Variants in MEIKIN observed in about 807,000 individuals in gnomAD.
MEIKIN encodes the protein meiotic kinetochore factor.
At position 131,841,120 on chromosome 5, in the gene MEIKIN, C is replaced by A. The variant is rs530219980; in HGVS notation, c.975+10144G>T. On this transcript the variant is annotated intron_variant, in intron 11 of 12. Transcript: ENST00000442687. ...TGGGAGATTTTAGGGGGCCAAGTCT[C>A]AGCTCCCAACTCCTGAAATGCAAGC... Among the ~76,000 whole-genome samples the A allele has an allele frequency of 6.6e-5, 10 of 152,204 alleles. No individual in the cohort carries two copies. In the East Asian group the frequency reaches 1.9e-3, roughly 29 times the overall value.
At chr5:131,895,755 T>C (rs962471681) in intron 8 of MEIKIN, among the ~76,000 whole-genome samples, 5 of 152,168 alleles carry the variant, frequency 3.3e-5, no homozygotes, top group African/African-American at 9.6e-5. Context: ...TTTTTTATTG[T>C]GTCTATTTGA....
chr5:131,928,889 A>G (rs1751636113), intron 5 of MEIKIN, among the ~76,000 whole-genome samples: 1 of 152,218 alleles, frequency 6.6e-6, no homozygotes, highest in African/African-American at 2.4e-5. Flanking sequence ...ATTTATCTAT[A>G]TATTTATCTT....
intron 11 of MEIKIN, among the ~76,000 whole-genome samples, chr5:131,836,054 C>T (rs891937923): frequency 6.6e-6 from 1 of 152,180 alleles, no homozygotes; most frequent in African/African-American, 2.4e-5. Context: ...TCCTCCCACT[C>T]TCCACCCTTT....
chr5:131,812,905 C>G (rs1253704934), intron 12 of MEIKIN, among the ~76,000 whole-genome samples: 1 of 152,204 alleles, frequency 6.6e-6, no homozygotes. Context: ...CAGCTTTTGG[C>G]TTATTGCCAA....
At chr5:131,855,461 G>A (rs1750176580) in intron 9 of MEIKIN, among the ~76,000 whole-genome samples, 1 of 151,966 alleles carries the variant, frequency 6.6e-6, no homozygotes, top group Admixed American at 6.6e-5. Flanking sequence ...ACAGAGTGAG[G>A]AGAGAAACAG....
intron 7 of MEIKIN, among the ~76,000 whole-genome samples, chr5:131,915,562 T>A (rs945637769): frequency 1.5e-4 from 23 of 152,122 alleles, no homozygotes; most frequent in African/African-American, 5.6e-4. Flanking sequence ...CTATTAAGAA[T>A]TATGTCAGAA....
At chr5:131,892,361 C>T (rs535256274) in intron 8 of MEIKIN, among the ~76,000 whole-genome samples, 42 of 152,246 alleles carry the variant, frequency 2.8e-4, no homozygotes, top group South Asian at 1.0e-3. Flanking sequence ...ACCAATCAGA[C>T]GTAATTTGGT....
intron 5 of MEIKIN, among the ~76,000 whole-genome samples, chr5:131,932,360 G>T (rs1751704399): frequency 1.3e-5 from 2 of 152,238 alleles, no homozygotes. Flanking sequence ...CAGATCTGCA[G>T]ATCAGCTGGG....
chr5:131,861,878 T>G (rs554953309), intron 9 of MEIKIN, among the ~76,000 whole-genome samples: 1 of 152,328 alleles, frequency 6.6e-6, no homozygotes, highest in Non-Finnish European at 1.5e-5. Context: ...GATTTTTGTG[T>G]CTATGTTCAT....
chr5:131,889,795 T>G (rs1291668965), intron 8 of MEIKIN, among the ~76,000 whole-genome samples: 1 of 152,234 alleles, frequency 6.6e-6, no homozygotes, highest in African/African-American at 2.4e-5. Context: ...GTGCCAGTTT[T>G]CAAAGGGAAT....
chr5:131,873,024 G>C (rs1032568095), intron 9 of MEIKIN, among the ~76,000 whole-genome samples: 1 of 152,138 alleles, frequency 6.6e-6, no homozygotes, highest in Admixed American at 6.6e-5. Flanking sequence ...GGAACAACTG[G>C]TACCAGCCAC....
At chr5:131,902,230 C>T (rs537883307) in intron 8 of MEIKIN, among the ~76,000 whole-genome samples, 5 of 152,130 alleles carry the variant, frequency 3.3e-5, no homozygotes, top group Admixed American at 6.5e-5. Flanking sequence ...CTCAGGGGTT[C>T]GAGACCAGCC....
chr5:131,945,066 T>C, intron 2 of MEIKIN, 90 bp downstream of exon 2: 1 of 398,950 alleles, frequency 2.5e-6, no homozygotes, highest in Non-Finnish European at 4.4e-6. Flanking sequence ...GCTCCTTGAC[T>C]GTTAGAATAA....
rs146849270 is a variant in MEIKIN at position 131,808,629 on chromosome 5, A to G, written c.1100-1371T>C. 3.7e-3 allele frequency among the ~76,000 whole-genome samples: 569 copies of G among 152,298 alleles called. 4 individuals carry two copies. The highest frequency in any genetic ancestry group is 0.013 in the African/African-American group (539 of 41,552). On this transcript the variant is annotated intron_variant, in intron 12 of 12. Coordinates refer to ENST00000442687, the MANE Select transcript of MEIKIN (RefSeq NM_001303622.2). ...ATTTATAAGTTCCTCTGGTGGCCTG[A>G]GCACCACATTTTGAGATACACTAGC...
chr5:131,926,707 T>C (rs1006289456), intron 5 of MEIKIN, among the ~76,000 whole-genome samples: 3 of 152,180 alleles, frequency 2.0e-5, no homozygotes, highest in African/African-American at 7.2e-5. Flanking sequence ...TCAATCTCCT[T>C]ACTAGTTATA....
At chr5:131,845,272 T>TTAAAAAAAAAAAA (rs1749995385) in intron 11 of MEIKIN, among the ~76,000 whole-genome samples, 4 of 45,360 alleles carry the variant, frequency 8.8e-5, no homozygotes, top group South Asian at 6.6e-4. Flanking sequence ...GACTTCGTCT[T>TTAAAAAAAAAAAA]AAAAAAAAAA....
chr5:131,870,132 A>T (rs1316453025), intron 9 of MEIKIN, among the ~76,000 whole-genome samples: 3 of 57,136 alleles, frequency 5.3e-5, no homozygotes, highest in African/African-American at 2.4e-4. Flanking sequence ...CCCTGATTTG[A>T]TTATTATGCA....
At position 131,887,046 on chromosome 5, in the gene MEIKIN, T is replaced by A. The variant is rs373557246; in HGVS notation, c.704-7998A>T. On this transcript the variant is annotated intron_variant, in intron 8 of 12. Transcript: ENST00000442687. ...TCGCCATGTGTCCAAGTGTTCTCAT[T>A]GTTCAATTCCCACCTATAGGTAAGA... Among the ~76,000 whole-genome samples the A allele has an allele frequency of 2.7e-5, 4 of 149,718 alleles. No individual in the cohort carries two copies. In the East Asian group the frequency reaches 8.0e-4, roughly 30 times the overall value.
At chr5:131,824,147 C>T (rs987381301) in intron 11 of MEIKIN, among the ~76,000 whole-genome samples, 4 of 152,132 alleles carry the variant, frequency 2.6e-5, no homozygotes, top group Non-Finnish European at 4.4e-5. Flanking sequence ...TTGCCCATGG[C>T]CTTTCCCTCC....
Sources: allele counts gnomAD v4.1 joint callset (sites outside exome capture counted in the v4.1 genomes callset), GRCh38; gene constraint gnomAD v4.1.1; transcripts MANE v1.5; gene names NCBI Gene and HGNC (gene_info 2026-07-23, HGNC 2026-07-21).